The following TRIP4 variants were observed in gnomAD, a reference collection of about 807,000 sequenced individuals.
TRIP4 encodes activating signal cointegrator 1.
Under a neutral mutation model 81.8 loss-of-function variants are expected in TRIP4, and 54 were observed. The ratio of observed to expected loss-of-function variants is 0.66; its 90% confidence interval spans 0.53 to 0.83. The LOEUF is 0.83. Among genes scored for constraint, TRIP4 ranks in the 40% least tolerant of loss-of-function variants. TRIP4 has a pLI of 0.00. For synonymous variants in TRIP4, 270 were observed against 242.8 expected, an observed-to-expected ratio of 1.11 and a Z score of -1.04; for missense variants, 662 against 683.6, an observed-to-expected ratio of 0.97 and a Z score of 0.35.
intron 11 of TRIP4, among the ~76,000 whole-genome samples, chr15:64,438,412 C>T (rs1402593294): frequency 6.6e-6 from 1 of 152,184 alleles, no homozygotes; most frequent in Non-Finnish European, 1.5e-5. Flanking sequence ...CTCTGCCTCC[C>T]AGGTTCAAAC....
intron 5 of TRIP4, among the ~76,000 whole-genome samples, chr15:64,402,291 C>T (rs981375758): frequency 1.5e-4 from 22 of 149,862 alleles, no homozygotes; most frequent in African/African-American, 3.5e-4. Flanking sequence ...GGTGTGATCT[C>T]GGCTCACCGC....
Position 64,415,312 on chromosome 15 carries a change from G to A in TRIP4, c.1170+1101G>A, listed in dbSNP as rs558278432. On this transcript the variant is annotated intron_variant, in intron 8 of 12. Coordinates refer to ENST00000261884, the MANE Select transcript of TRIP4 (RefSeq NM_016213.5). ...GCAGCGTGAGAGCATTGCAGGTTTG[G>A]GGAATCACAAGTAATTAACTATTGT... Among the ~76,000 whole-genome samples the A allele has an allele frequency of 2.0e-5, 3 of 152,212 alleles. No homozygotes were observed. The East Asian group carries it at 5.8e-4, about 29-fold the overall frequency.
At chr15:64,423,436 C>G (rs1338472232) in intron 9 of TRIP4, among the ~76,000 whole-genome samples, 3 of 112,230 alleles carry the variant, frequency 2.7e-5, no homozygotes, top group African/African-American at 3.5e-5. Flanking sequence ...GCTCTCCAGT[C>G]TGGCAACAGA....
chr15:64,447,851 A>G (rs541387515), intron 12 of TRIP4, among the ~76,000 whole-genome samples: 2 of 152,282 alleles, frequency 1.3e-5, no homozygotes, highest in Admixed American at 1.3e-4. Context: ...AGCTGGGACT[A>G]CAGGTATGTG....
chr15:64,394,261 T>G (rs1900221952), intron 2 of TRIP4, 146 bp downstream of exon 2: 2 of 677,894 alleles, frequency 3.0e-6, no homozygotes, highest in Non-Finnish European at 4.5e-6. Context: ...TTTAGTTCGG[T>G]TCTACTCAAT....
intron 5 of TRIP4, among the ~76,000 whole-genome samples, chr15:64,401,271 A>G (rs1891500965): frequency 6.6e-6 from 1 of 151,794 alleles, no homozygotes; most frequent in African/African-American, 2.4e-5. Context: ...AGTAGCTGGG[A>G]CTACAGGCAC....
chr15:64,409,865 A>G, intron 7 of TRIP4, 37 bp downstream of exon 7: 1 of 1,581,446 alleles, frequency 6.3e-7, no homozygotes, highest in Middle Eastern at 1.7e-4. Context: ...TCAAAGAAGG[A>G]ACAGGTTGAC....
intron 3 of TRIP4, among the ~76,000 whole-genome samples, chr15:64,397,212 T>C (rs1900321053): frequency 6.6e-6 from 1 of 152,200 alleles, no homozygotes; most frequent in African/African-American, 2.4e-5. Context: ...ACTTTATATT[T>C]ATTTTTCCTA....
intron 11 of TRIP4, among the ~76,000 whole-genome samples, chr15:64,438,241 CAAGAG>C (rs1405216142): frequency 6.6e-6 from 1 of 152,200 alleles, no homozygotes; most frequent in Non-Finnish European, 1.5e-5. Flanking sequence ...GCCCTTAACT[CAAGAG>C]AAGTCTTCAG....
At chr15:64,431,266 A>AT (rs1566981491) in intron 11 of TRIP4, among the ~76,000 whole-genome samples, 9 of 152,204 alleles carry the variant, frequency 5.9e-5, no homozygotes, top group African/African-American at 1.7e-4. Context: ...AACAGCCCTC[A>AT]CGATGAGGGC....
chr15:64,409,528 T>G, intron 6 of TRIP4, 85 bp from the exon 7 acceptor site: 4 of 1,307,848 alleles, frequency 3.1e-6, no homozygotes, highest in Non-Finnish European at 4.4e-6. Context: ...ATTTGAGATA[T>G]TAAGTTACCT....
intron 12 of TRIP4, among the ~76,000 whole-genome samples, chr15:64,445,667 C>CA (rs34704960): frequency 0.75 from 58,525 of 78,024 alleles, 23,013 homozygotes; most frequent in East Asian, 0.92. Flanking sequence ...CACTCAGTCT[C>CA]AAAAAAAAAA....
chr15:64,428,475 G>A (rs1362929398), intron 11 of TRIP4, among the ~76,000 whole-genome samples: 2 of 152,190 alleles, frequency 1.3e-5, no homozygotes, highest in African/African-American at 2.4e-5. Flanking sequence ...AGCTAGAGGT[G>A]CTGGCAACTC....
intron 1 of TRIP4, among the ~76,000 whole-genome samples, chr15:64,389,605 A>C (rs1900057307): frequency 6.6e-6 from 1 of 152,212 alleles, no homozygotes; most frequent in East Asian, 1.9e-4. Context: ...AGTAGTTTTC[A>C]AACATTTTTT....
chr15:64,413,652 C>T (rs924381314), intron 7 of TRIP4, among the ~76,000 whole-genome samples: 8 of 152,024 alleles, frequency 5.3e-5, no homozygotes, highest in South Asian at 2.1e-4. Flanking sequence ...TGCAGTGGCA[C>T]GATCTCGGCT....
Position 64,394,081 on chromosome 15 carries a change from T to G in TRIP4, c.237T>G (p.Ile79Met). ...GGCAAAAGAATGATCAGGAGTTGAT[T>G]TCGGATCCTTTGCAGCAGTGCTTCA... is the stretch of plus-strand genomic sequence containing the variant. ...TKWQKNDQEL[I>M]SDPLQQCFKK... is the part of the protein sequence containing the mutation. The change falls in exon 2 of 13, where the codon ATT becomes ATG. Residue 79 changes from isoleucine (I) to methionine (M), a missense_variant. Ile to Met is a conservative substitution (Grantham distance 10). Transcript: ENST00000261884. The G allele has an allele frequency of 6.2e-7, 1 of 1,606,886 alleles. No individual in the cohort carries two copies. Among genetic ancestry groups the G allele is most frequent in the Non-Finnish European group, 8.5e-7 (1 of 1,176,860 alleles).
chr15:64,423,454 T>C (rs1892063017), intron 9 of TRIP4, among the ~76,000 whole-genome samples: 1 of 86,482 alleles, frequency 1.2e-5, no homozygotes, highest in African/African-American at 4.8e-5. Flanking sequence ...AGAGCGAGAC[T>C]CCGTCTCAAA....
chr15:64,437,203 G>A (rs942804591), intron 11 of TRIP4, among the ~76,000 whole-genome samples: 2 of 151,530 alleles, frequency 1.3e-5, no homozygotes, highest in African/African-American at 4.8e-5. Flanking sequence ...GGTGGATCAC[G>A]AGGTTGGGAG....
In TRIP4 at chr15:64,432,418, A is replaced by T. The variant is rs1892298032; in HGVS notation, c.1575+6787A>T. Among the ~76,000 whole-genome samples the T allele has an allele frequency of 3.7e-5, 3 of 80,306 alleles. No homozygotes were observed. In the South Asian group the frequency reaches 9.5e-4, roughly 26 times the overall value. The allele number at this position is 80,306 out of a possible 152,430, so 52.7% of individuals were successfully genotyped here. On this transcript the variant is annotated intron_variant, in intron 11 of 12. Coordinates refer to ENST00000261884, the MANE Select transcript of TRIP4 (RefSeq NM_016213.5). Reference sequence around the variant, plus strand: ...CACTCAAGGTCAGGCTCTTGAGACCAGCTTGACCAGCTTGGTGACCATCTC... The same window carrying T: ...CACTCAAGGTCAGGCTCTTGAGACCTGCTTGACCAGCTTGGTGACCATCTC...
Sources: gnomAD v4.1 joint callset for allele counts (sites outside exome capture counted in the v4.1 genomes callset) on GRCh38, gnomAD v4.1.1 for gene constraint, MANE v1.5 for transcripts, NCBI Gene and HGNC (gene_info 2026-07-23, HGNC 2026-07-21) for gene names.